Variants in NR3C2 observed in about 807,000 individuals in gnomAD.
NR3C2 encodes the protein mineralocorticoid receptor.
NR3C2 carries 15 observed loss-of-function variants against 86.4 expected under a neutral mutation model. That is an observed-to-expected ratio of 0.17 (90% CI 0.12 to 0.27). NR3C2 has a LOEUF of 0.27. Among genes scored for constraint, NR3C2 ranks in the 10% least tolerant of loss-of-function variants. The pLI is 1.00. For missense variants in NR3C2, 960 were observed against 1,195.6 expected, an observed-to-expected ratio of 0.80 and a Z score of 2.91; for synonymous variants, 458 against 450.5, an observed-to-expected ratio of 1.02 and a Z score of -0.21.
intron 2 of NR3C2, among the ~76,000 whole-genome samples, chr4:148,284,150 T>A (rs529406473): frequency 2.0e-5 from 3 of 152,108 alleles, no homozygotes; most frequent in Non-Finnish European, 4.4e-5. Context: ...TTCCTCTGGG[T>A]TATGTAGAGC....
rs760279567 is a variant in NR3C2 at position 148,436,062 on chromosome 4, T to C, written c.799A>G (p.Ser267Gly). ...GGGCTGGAAATTGAGGATTTCATGC[T>C]ACTTAACGGACTTGAGAGAGGAGAG... ...VGSPLSSPLSSMKSSISSPPS... is the reference protein window; with the variant it reads ...VGSPLSSPLSGMKSSISSPPS... The change falls in exon 2 of 9, where the codon AGC becomes GGC. Residue 267 changes from serine (S) to glycine (G), a missense_variant. Around this residue, in one of 4 missense-constraint regions of NR3C2, gnomAD observed 680 missense variants for 719.0 expected, o/e 0.95. Coordinates refer to ENST00000358102, the MANE Select transcript of NR3C2 (RefSeq NM_000901.5). 7 of 1,614,188 alleles carry C rather than the reference T, an allele frequency of 4.3e-6. No individual in the cohort carries two copies. In the East Asian group the frequency reaches 1.6e-4, roughly 36 times the overall value.
intron 2 of NR3C2, among the ~76,000 whole-genome samples, chr4:148,278,570 T>TGCGC (rs1159323700): frequency 2.0e-5 from 3 of 151,982 alleles, no homozygotes; most frequent in African/African-American, 7.3e-5. Flanking sequence ...TACACGTGCG[T>TGCGC]GCGCGCGCAC....
intron 2 of NR3C2, among the ~76,000 whole-genome samples, chr4:148,391,653 G>A (rs2126493391): frequency 6.6e-6 from 1 of 152,148 alleles, no homozygotes; most frequent in East Asian, 1.9e-4. Context: ...GATCACCTGA[G>A]GTCAGGAGTT....
intron 2 of NR3C2, among the ~76,000 whole-genome samples, chr4:148,400,912 T>C (rs1748128482): frequency 6.6e-6 from 1 of 151,914 alleles, no homozygotes; most frequent in Non-Finnish European, 1.5e-5. Flanking sequence ...TCCCATAACA[T>C]CATGTTGCAT....
chr4:148,240,455 T>C (rs989358287), intron 3 of NR3C2, among the ~76,000 whole-genome samples: 2 of 151,942 alleles, frequency 1.3e-5, no homozygotes, highest in African/African-American at 4.8e-5. Flanking sequence ...CCTTATATCA[T>C]AAGGCCATCA....
intron 2 of NR3C2, among the ~76,000 whole-genome samples, chr4:148,271,170 G>A (rs921902169): frequency 7.2e-5 from 11 of 152,082 alleles, no homozygotes; most frequent in Admixed American, 2.0e-4. Context: ...CATTCTCCAC[G>A]AATTTGAGCT....
At chr4:148,190,713 TC>T (rs1243559113) in intron 4 of NR3C2, among the ~76,000 whole-genome samples, 3 of 152,214 alleles carry the variant, frequency 2.0e-5, no homozygotes, top group African/African-American at 7.2e-5. Flanking sequence ...ATCTGGGAGC[TC>T]CACTGTTACG....
chr4:148,101,885 A>T (rs79931310), intron 8 of NR3C2, among the ~76,000 whole-genome samples: 4 of 11,818 alleles, frequency 3.4e-4, no homozygotes, highest in Admixed American at 1.0e-3. Flanking sequence ...TCTCAATATT[A>T]AAAAAAAAAA....
rs17024635 is a variant in NR3C2, at chr4:148,345,702, C to T, written c.1758-85585G>A. On this transcript the variant is annotated intron_variant, in intron 2 of 8. Coordinates refer to ENST00000358102, the MANE Select transcript of NR3C2 (RefSeq NM_000901.5). ...GATGTTCCAAAGGTTATTCGTGTGC[C>T]GGAGTAAAGGTTAATTAAACCTGAG... is the stretch of plus-strand genomic sequence containing the variant. Among the ~76,000 whole-genome samples, 1,236 of 151,860 alleles carry T rather than the reference C, an allele frequency of 8.1e-3. 3 individuals are homozygous for T. The highest frequency in any genetic ancestry group is 0.027 in the African/African-American group (1,123 of 41,430).
At chr4:148,088,852 T>C (rs915774485) in intron 8 of NR3C2, among the ~76,000 whole-genome samples, 4 of 152,148 alleles carry the variant, frequency 2.6e-5, no homozygotes, top group African/African-American at 7.2e-5. Context: ...AGCACTACCA[T>C]TGCACAGCAA....
intron 4 of NR3C2, among the ~76,000 whole-genome samples, chr4:148,179,132 C>T (rs28377603): frequency 0.17 from 26,069 of 151,112 alleles, 2,800 homozygotes; most frequent in African/African-American, 0.24. Flanking sequence ...AACCACAAAA[C>T]GATTTTAACA....
intron 2 of NR3C2, among the ~76,000 whole-genome samples, chr4:148,296,061 A>AG (rs1282864216): frequency 6.6e-6 from 1 of 151,388 alleles, no homozygotes; most frequent in Non-Finnish European, 1.5e-5. Flanking sequence ...AAAAAAAAAA[A>AG]AAAAAGAGAG....
At chr4:148,317,111 T>C (rs1045000597) in intron 2 of NR3C2, among the ~76,000 whole-genome samples, 3 of 152,196 alleles carry the variant, frequency 2.0e-5, no homozygotes, top group Non-Finnish European at 4.4e-5. Flanking sequence ...GTATTTTTAA[T>C]GGAAAATCAC....
chr4:148,431,288 T>G (rs559559270), intron 2 of NR3C2, among the ~76,000 whole-genome samples: 1 of 152,278 alleles, frequency 6.6e-6, no homozygotes, highest in Non-Finnish European at 1.5e-5. Context: ...CAGACTACCC[T>G]GAAAACCATG....
intron 2 of NR3C2, among the ~76,000 whole-genome samples, chr4:148,345,597 T>C (rs567236527): frequency 5.9e-5 from 9 of 152,106 alleles, no homozygotes; most frequent in African/African-American, 1.9e-4. Flanking sequence ...AAACAGCTTT[T>C]TAATAATGAC....
intron 2 of NR3C2, among the ~76,000 whole-genome samples, chr4:148,389,425 T>C (rs552837128): frequency 2.0e-5 from 3 of 152,308 alleles, no homozygotes; most frequent in Middle Eastern, 3.4e-3. Context: ...ATTTTCGAAA[T>C]AGTAATTTGG....
chr4:148,260,464 T>G lies in NR3C2; in HGVS notation c.1758-347A>C, dbSNP rs546385618. Among the ~76,000 whole-genome samples, 3 of 152,330 alleles carry G rather than the reference T, an allele frequency of 2.0e-5. No individual in the cohort carries two copies. In the East Asian group the frequency reaches 5.8e-4, roughly 29 times the overall value. On this transcript the variant is annotated intron_variant, in intron 2 of 8. Transcript: ENST00000358102. ...GAATCTTGAACCAAGTCATCAGGGATGTATTTGCTGTCCTTTTATTTTTGC... is the reference window on the plus strand; with the variant it reads ...GAATCTTGAACCAAGTCATCAGGGAGGTATTTGCTGTCCTTTTATTTTTGC...
At chr4:148,394,371 C>T (rs182705373) in intron 2 of NR3C2, among the ~76,000 whole-genome samples, 1 of 151,190 alleles carries the variant, frequency 6.6e-6, no homozygotes, top group Non-Finnish European at 1.5e-5. Flanking sequence ...ACAGTACTAT[C>T]TTGAAAAAAA....
intron 3 of NR3C2, among the ~76,000 whole-genome samples, chr4:148,202,655 A>G (rs1736783457): frequency 6.6e-6 from 1 of 152,198 alleles, no homozygotes; most frequent in Non-Finnish European, 1.5e-5. Flanking sequence ...GTGCTATTTT[A>G]CAGGTCGCTT....
Sources: allele counts gnomAD v4.1 joint callset (sites outside exome capture counted in the v4.1 genomes callset), GRCh38; gene constraint gnomAD v4.1.1; regional missense constraint gnomAD v4.1.1; transcripts MANE v1.5; gene names NCBI Gene and HGNC (gene_info 2026-07-23, HGNC 2026-07-21).